The following CMIP variants were observed in gnomAD, a reference collection of about 807,000 sequenced individuals.
The protein encoded by CMIP is c-Maf inducing protein.
Under a neutral mutation model 97.3 loss-of-function variants are expected in CMIP, and 13 were observed. The observed-to-expected ratio is 0.13, with a 90% CI of 0.09 to 0.21. The LOEUF is 0.21. Ranked by LOEUF, CMIP falls within the 10% of genes least tolerant of loss-of-function variation. The pLI, the probability that CMIP is intolerant of heterozygous loss-of-function variation, is 1.00. For synonymous variants in CMIP, 538 were observed against 436.3 expected, an observed-to-expected ratio of 1.23 and a Z score of -2.91; for missense variants, 847 against 1,024.9, an observed-to-expected ratio of 0.83 and a Z score of 2.37.
chr16:81,618,762 T>C (rs1410375600), intron 2 of CMIP: 1 of 152,270 alleles, frequency 6.6e-6, no homozygotes, highest in African/African-American at 2.4e-5. Context: ...ATGTTAAGCA[T>C]TTATCAGCAC....
intron 5 of CMIP, among the ~76,000 whole-genome samples, chr16:81,658,397 A>C (rs952501747): frequency 2.0e-5 from 3 of 152,250 alleles, no homozygotes; most frequent in African/African-American, 7.2e-5. Flanking sequence ...TATGTATTTG[A>C]ATTCACAGAT....
intron 14 of CMIP, among the ~76,000 whole-genome samples, chr16:81,698,612 A>G (rs1907035546): frequency 6.6e-6 from 1 of 152,160 alleles, no homozygotes; most frequent in Admixed American, 6.5e-5. Context: ...TTTGGCAGTA[A>G]AATACACATC....
Position 81,590,575 on chromosome 16 carries a change from G to A in CMIP, c.301-16992G>A, listed in dbSNP as rs76284474. ...TAGGGATGGGCCCAAGGAATTTTTC[G>A]GCAAATTTGTCCTCTGGGAAATTTC... On this transcript the variant is annotated intron_variant, in intron 1 of 20. Transcript: ENST00000537098. 2.3e-3 allele frequency among the ~76,000 whole-genome samples: 355 copies of A among 152,248 alleles called. 1 individual carries two copies. Among genetic ancestry groups the A allele is most frequent in the Middle Eastern group, 6.8e-3 (2 of 294 alleles).
intron 8 of CMIP, among the ~76,000 whole-genome samples, chr16:81,670,672 C>T (rs539620356): frequency 1.8e-4 from 27 of 148,794 alleles, no homozygotes; most frequent in South Asian, 4.3e-4. Flanking sequence ...AATTTTCTCT[C>T]GGTGCTCCAG....
At chr16:81,604,525 C>G (rs1189236262) in intron 1 of CMIP, among the ~76,000 whole-genome samples, 2 of 151,966 alleles carry the variant, frequency 1.3e-5, no homozygotes, top group African/African-American at 2.4e-5. Flanking sequence ...TGGTGAAACC[C>G]CATCTCTACT....
chr16:81,503,252 C>G (rs2089645481), intron 1 of CMIP, among the ~76,000 whole-genome samples: 1 of 152,128 alleles, frequency 6.6e-6, no homozygotes. Context: ...TGAACACAGC[C>G]CTGGGTCATC....
intron 1 of CMIP, among the ~76,000 whole-genome samples, chr16:81,572,966 C>A (rs189260556): frequency 6.6e-5 from 10 of 152,310 alleles, no homozygotes; most frequent in Middle Eastern, 3.4e-3. Context: ...AAGTTTCACA[C>A]TGAGAGAGAA....
At chr16:81,662,115 A>G (rs995916214) in intron 6 of CMIP, among the ~76,000 whole-genome samples, 4 of 152,090 alleles carry the variant, frequency 2.6e-5, no homozygotes, top group African/African-American at 9.6e-5. Context: ...GTGGAATTAA[A>G]TAACCCAGTA....
intron 14 of CMIP, among the ~76,000 whole-genome samples, chr16:81,698,863 T>C (rs1212051211): frequency 1.3e-5 from 2 of 152,224 alleles, no homozygotes; most frequent in Non-Finnish European, 2.9e-5. Context: ...AGTCTCCTTC[T>C]GCTTAAAACT....
At chr16:81,696,097 C>T (rs911807989) in intron 13 of CMIP, 18 of 207,232 alleles carry the variant, frequency 8.7e-5, no homozygotes, top group Admixed American at 4.2e-4. Flanking sequence ...GCAGAGAGCA[C>T]GGGAGAGGAG....
intron 10 of CMIP, among the ~76,000 whole-genome samples, chr16:81,680,854 C>T (rs533776046): frequency 2.6e-5 from 4 of 152,342 alleles, no homozygotes; most frequent in East Asian, 3.9e-4. Context: ...TTGCAAACAC[C>T]GTGAGCTCCT....
At chr16:81,531,199 A>G (rs1343156653) in intron 1 of CMIP, among the ~76,000 whole-genome samples, 1 of 152,178 alleles carries the variant, frequency 6.6e-6, no homozygotes, top group East Asian at 1.9e-4. Context: ...GGAAACTTAG[A>G]CACAGAGAGA....
chr16:81,605,610 C>G (rs1453333214), intron 1 of CMIP, among the ~76,000 whole-genome samples: 2 of 152,210 alleles, frequency 1.3e-5, no homozygotes, highest in Non-Finnish European at 2.9e-5. Context: ...GCCCTCCCTC[C>G]GTTTCACCTT....
intron 1 of CMIP, among the ~76,000 whole-genome samples, chr16:81,514,442 G>A (rs1182162257): frequency 6.6e-6 from 1 of 152,174 alleles, no homozygotes; most frequent in African/African-American, 2.4e-5. Context: ...GACCATCCAG[G>A]TTCCAACCCA....
intron 1 of CMIP, among the ~76,000 whole-genome samples, chr16:81,532,598 C>G (rs1029432285): frequency 1.3e-5 from 2 of 152,138 alleles, no homozygotes; most frequent in Non-Finnish European, 2.9e-5. Flanking sequence ...GTCGGGAGAA[C>G]CTTTCCCAGG....
At chr16:81,685,454 G>T (rs1320223564) in intron 10 of CMIP, among the ~76,000 whole-genome samples, 1 of 152,210 alleles carries the variant, frequency 6.6e-6, no homozygotes, top group Non-Finnish European at 1.5e-5. Flanking sequence ...TGATTCCTCT[G>T]ATTGTGGGTG....
intron 1 of CMIP, among the ~76,000 whole-genome samples, chr16:81,551,116 AGTTCCATCACACG>A (rs2090648442): frequency 6.9e-6 from 1 of 145,614 alleles, no homozygotes; most frequent in Non-Finnish European, 1.5e-5. Flanking sequence ...CATATATCCC[AGTTCCATCACACG>A]CACCCCAGTT....
intron 1 of CMIP, among the ~76,000 whole-genome samples, chr16:81,532,925 C>T (rs757591325): frequency 2.6e-5 from 4 of 152,162 alleles, no homozygotes; most frequent in Non-Finnish European, 5.9e-5. Context: ...TCCTTGGACA[C>T]GCCAAGCCTG....
At chr16:81,662,606 A>C (rs1012760164) in intron 6 of CMIP, among the ~76,000 whole-genome samples, 4 of 152,142 alleles carry the variant, frequency 2.6e-5, no homozygotes, top group Admixed American at 6.5e-5. Flanking sequence ...ACTCCTGCCA[A>C]ATTCCAAGAT....
Sources: allele counts gnomAD v4.1 joint callset (sites outside exome capture counted in the v4.1 genomes callset), GRCh38; gene constraint gnomAD v4.1.1; transcripts MANE v1.5; gene names NCBI Gene and HGNC (gene_info 2026-07-23, HGNC 2026-07-21).